The following IL13RA1 variants were observed in gnomAD, a reference collection of about 807,000 sequenced individuals.
IL13RA1 encodes interleukin 13 receptor subunit alpha 1.
IL13RA1 carries 14 observed loss-of-function variants against 33.8 expected under a neutral mutation model. The observed-to-expected ratio is 0.41, with a 90% CI of 0.27 to 0.65. The LOEUF is 0.65. Ranked by LOEUF, IL13RA1 falls within the 30% of genes least tolerant of loss-of-function variation. The pLI, the probability that IL13RA1 is intolerant of heterozygous loss-of-function variation, is 0.28. For missense variants in IL13RA1, 313 were observed against 327.0 expected, an observed-to-expected ratio of 0.96 and a Z score of 0.33; for synonymous variants, 116 against 115.7, an observed-to-expected ratio of 1.00 and a Z score of -0.02.
chrX:118,766,762 C>A, intron 7 of IL13RA1, 82 bp from the exon 8 acceptor site: 1 of 629,316 alleles, frequency 1.6e-6, no homozygotes. Context: ...CAGAATTTGG[C>A]AGATAATTGT....
chrX:118,759,188 C>T (rs1423245137), intron 5 of IL13RA1, among the ~76,000 whole-genome samples: 2 of 111,844 alleles, frequency 1.8e-5, no homozygotes, highest in East Asian at 5.6e-4. Flanking sequence ...AGAAAGCACC[C>T]TCAGCTTGAA....
chrX:118,797,876 A>G (rs749171276), downstream of IL13RA1, among the ~76,000 whole-genome samples: 7 of 111,853 alleles, frequency 6.3e-5, no homozygotes, highest in East Asian at 2.0e-3. Context: ...ATTTTCTCCC[A>G]GAGCCTCCAT....
chrX:118,769,965 G>T, intron 8 of IL13RA1: 1 of 200,993 alleles, frequency 5.0e-6, no homozygotes, highest in Non-Finnish European at 9.3e-6. Context: ...TCCTCCACCA[G>T]CATCAAGGAG....
downstream of IL13RA1, among the ~76,000 whole-genome samples, chrX:118,798,371 A>G (rs2018043749): frequency 9.0e-6 from 1 of 110,649 alleles, no homozygotes; most frequent in African/African-American, 3.3e-5. Flanking sequence ...TTTTCCCCAT[A>G]TTGTCTCCCT....
intron 9 of IL13RA1, among the ~76,000 whole-genome samples, chrX:118,774,218 C>T (rs776083471): frequency 2.6e-4 from 27 of 103,210 alleles, no homozygotes; most frequent in African/African-American, 9.0e-4. Flanking sequence ...GGTGTGATCT[C>T]GGCTCACTGC....
Position 118,793,991 on chromosome X carries a change from TA to T in IL13RA1, c.*2138del, listed in dbSNP as rs1448899886. The T allele has an allele frequency of 3.6e-5, 4 of 112,263 alleles. No homozygotes were observed. Among genetic ancestry groups the T allele is most frequent in the Non-Finnish European group, 7.5e-5 (4 of 53,278 alleles). The allele number at this position is 112,263 out of a possible 1,213,427, so 9.3% of individuals were successfully genotyped here. A position where few individuals can be genotyped will look rare whatever the true frequency, so the allele number is the denominator to read the frequency against. On this transcript the variant is annotated 3_prime_UTR_variant, in exon 11 of 11. Coordinates refer to ENST00000371666, the MANE Select transcript of IL13RA1 (RefSeq NM_001560.3). ...GAGATTAATTCCTTTCCAGGTATTTTATAATTCTGGGAAGCAAAACCCATGC... is the reference window on the plus strand; with the variant it reads ...GAGATTAATTCCTTTCCAGGTATTTTTAATTCTGGGAAGCAAAACCCATGC...
At chrX:118,734,762 T>A (rs2017262452) in intron 1 of IL13RA1, among the ~76,000 whole-genome samples, 1 of 112,045 alleles carries the variant, frequency 8.9e-6, no homozygotes. Flanking sequence ...ATAAGGCATA[T>A]GGGTCTGTAG....
At chrX:118,791,477 A>T (rs1332414590) in intron 10 of IL13RA1, among the ~76,000 whole-genome samples, 1 of 111,293 alleles carries the variant, frequency 9.0e-6, no homozygotes, top group South Asian at 3.9e-4. Context: ...TTTTATTTCC[A>T]GTGGTGGAAA....
chrX:118,770,652 C>T, intron 8 of IL13RA1: 1 of 401,048 alleles, frequency 2.5e-6, no homozygotes, highest in African/African-American at 2.5e-5. Context: ...ACTGTGTCAA[C>T]ATCACCTACA....
chrX:118,727,829 C>T (rs1261589693), intron 1 of IL13RA1, 103 bp downstream of exon 1: 22 of 326,661 alleles, frequency 6.7e-5, no homozygotes, highest in African/African-American at 5.3e-4. Context: ...AGGGCCGAAG[C>T]TGGGGTGGGT....
rs1315767350 is a variant in IL13RA1 at position 118,792,666 on chromosome X, C to T, written c.*812C>T. On this transcript the variant is annotated 3_prime_UTR_variant, in exon 11 of 11. Transcript: ENST00000371666. ...GTCTAAAAAACAAAACAAAACAAAA[C>T]AAAACAAAAAAACCTCTTAATATTC... The T allele has an allele frequency of 8.9e-6, 1 of 112,244 alleles. No individual in the cohort carries two copies. Among genetic ancestry groups the T allele is most frequent in the East Asian group, 2.8e-4 (1 of 3,574 alleles). The allele number at this position is 112,244 out of a possible 1,213,427, so 9.3% of individuals were successfully genotyped here.
At chrX:118,766,487 C>T in intron 6 of IL13RA1, 43 bp from the exon 7 acceptor site, 1 of 679,315 alleles carries the variant, frequency 1.5e-6, no homozygotes, top group Non-Finnish European at 2.4e-6. Flanking sequence ...GGTTTTTAAA[C>T]ATTTAGGACT....
At chrX:118,739,633 C>T (rs1284917561) in intron 1 of IL13RA1, among the ~76,000 whole-genome samples, 1 of 111,257 alleles carries the variant, frequency 9.0e-6, no homozygotes, top group African/African-American at 3.3e-5. Flanking sequence ...ACAGAGGGTT[C>T]CTGTATACCC....
At chrX:118,728,013 G>A (rs1159742342) in intron 1 of IL13RA1, among the ~76,000 whole-genome samples, 1 of 111,335 alleles carries the variant, frequency 9.0e-6, no homozygotes, top group African/African-American at 3.3e-5. Context: ...GCGACTTGTA[G>A]TGGGAAGAGC....
chrX:118,733,372 A>G (rs1215921205), intron 1 of IL13RA1, among the ~76,000 whole-genome samples: 2 of 111,547 alleles, frequency 1.8e-5, no homozygotes, highest in Non-Finnish European at 3.8e-5. Flanking sequence ...TTTGGTTTGC[A>G]TTTTCCTAAA....
chrX:118,773,261 C>T (rs2017744430), intron 8 of IL13RA1, among the ~76,000 whole-genome samples: 2 of 111,834 alleles, frequency 1.8e-5, no homozygotes, highest in African/African-American at 6.5e-5. Flanking sequence ...GAGGCTGAGG[C>T]GGACAGAACA....
At chrX:118,775,018 TACAC>T (rs910442915) in intron 9 of IL13RA1, among the ~76,000 whole-genome samples, 3 of 110,122 alleles carry the variant, frequency 2.7e-5, no homozygotes, top group East Asian at 2.8e-4. Flanking sequence ...CACATGCACA[TACAC>T]ACACACACAC....
chrX:118,800,314 G>A, the IL13RA1 span, among the ~76,000 whole-genome samples: 1 of 109,770 alleles, frequency 9.1e-6, no homozygotes, highest in Admixed American at 9.7e-5. Flanking sequence ...GCAATATCTT[G>A]CTACTGCTCA....
Position 118,766,980 on chromosome X carries a change from A to T in IL13RA1, c.1009+4A>T. 1 of 1,048,478 alleles carries T rather than the reference A, an allele frequency of 9.5e-7. No homozygotes were observed. 86.4% of individuals were successfully genotyped at this position (1,048,478 alleles called of 1,213,427 possible). A position where few individuals can be genotyped will look rare whatever the true frequency, so the allele number is the denominator to read the frequency against. Reference sequence around the variant, plus strand: ...TGGAGCCAAGAAATGAGTATAGGTAAGAGAACAGAATTTTTATTAAAATTT... The same window carrying T: ...TGGAGCCAAGAAATGAGTATAGGTATGAGAACAGAATTTTTATTAAAATTT... On this transcript the variant is annotated splice_donor_region_variant and intron_variant, in intron 8 of 10. Coordinates refer to ENST00000371666, the MANE Select transcript of IL13RA1 (RefSeq NM_001560.3).
Sources: allele counts gnomAD v4.1 joint callset (sites outside exome capture counted in the v4.1 genomes callset), GRCh38; gene constraint gnomAD v4.1.1; transcripts MANE v1.5; gene names NCBI Gene and HGNC (gene_info 2026-07-23, HGNC 2026-07-21).